The following CUX1 variants were observed in gnomAD, a reference collection of about 807,000 sequenced individuals.
The protein encoded by CUX1 is cut like homeobox 1, also known as protein CASP.
Under a neutral mutation model 158.8 loss-of-function variants are expected in CUX1, and 31 were observed. That is an observed-to-expected ratio of 0.20 (90% CI 0.15 to 0.26). The LOEUF is 0.26. Among genes scored for constraint, CUX1 ranks in the 10% least tolerant of loss-of-function variants. The pLI is 1.00. For synonymous variants in CUX1, 879 were observed against 862.1 expected (o/e 1.02, Z -0.34); for missense variants, 1,589 against 2,014.6 (o/e 0.79, Z 4.04).
At chr7:102,049,472 G>A (rs1823227773) in intron 3 of CUX1, among the ~76,000 whole-genome samples, 1 of 152,162 alleles carries the variant, frequency 6.6e-6, no homozygotes, top group Admixed American at 6.5e-5. Context: ...CCTGAAGAGT[G>A]TCTTATAATT....
Position 102,253,019 on chromosome 7 carries a change from T to C in CUX1, c.*3977T>C. ...GGACCCACCATCAAAACCTGCTACT[T>C]TGTGCAAGTAATTGAGGCAAAAGAT... On this transcript the variant is annotated 3_prime_UTR_variant, in exon 24 of 24. Transcript: ENST00000292535. 1 of 985,362 alleles carries C rather than the reference T, an allele frequency of 1.0e-6. No individual in the cohort carries two copies. Among genetic ancestry groups the C allele is most frequent in the South Asian group, 4.7e-5 (1 of 21,284 alleles). The allele number at this position is 985,362 out of a possible 1,614,324, so 61.0% of individuals were successfully genotyped here.
At chr7:102,068,346 G>A (rs1341970439) in intron 3 of CUX1, among the ~76,000 whole-genome samples, 1 of 151,920 alleles carries the variant, frequency 6.6e-6, no homozygotes, top group Non-Finnish European at 1.5e-5. Context: ...TGAACTCCCG[G>A]GCTCAAGCCA....
At chr7:101,828,400 A>T (rs1793627417) in intron 1 of CUX1, among the ~76,000 whole-genome samples, 3 of 152,306 alleles carry the variant, frequency 2.0e-5, no homozygotes, top group African/African-American at 7.2e-5. Context: ...ACACAAAAAG[A>T]TCCACATTTT....
At chr7:102,021,612 CT>C (rs762928709) in intron 2 of CUX1, among the ~76,000 whole-genome samples, 33,407 of 107,684 alleles carry the variant, frequency 0.31, 4,374 homozygotes, top group Middle Eastern at 0.38. Context: ...ACTTTTTTTT[CT>C]CTTTTTTTTT....
At chr7:102,172,610 G>C (rs545393996) in intron 10 of CUX1, among the ~76,000 whole-genome samples, 1 of 152,286 alleles carries the variant, frequency 6.6e-6, no homozygotes, top group Non-Finnish European at 1.5e-5. Context: ...TTTTCCCAAA[G>C]CACAGTCAAT....
chr7:101,984,382 G>A (rs898830468), intron 2 of CUX1, among the ~76,000 whole-genome samples: 11 of 150,758 alleles, frequency 7.3e-5, no homozygotes, highest in South Asian at 2.1e-4. Context: ...TAAGATTGTC[G>A]TGGGACAATG....
At chr7:102,122,647 A>G (rs1020133858) in intron 8 of CUX1, among the ~76,000 whole-genome samples, 1 of 152,210 alleles carries the variant, frequency 6.6e-6, no homozygotes, top group Non-Finnish European at 1.5e-5. Flanking sequence ...TTCCAAGTCC[A>G]GGTAGAAATT....
chr7:102,135,555 TTGTGTG>T (rs1159056399), intron 8 of CUX1, among the ~76,000 whole-genome samples: 1 of 140,854 alleles, frequency 7.1e-6, no homozygotes, highest in Non-Finnish European at 1.6e-5. Flanking sequence ...GAGGGTCAAC[TTGTGTG>T]TGTGTGTGTT....
chr7:102,022,633 A>G (rs866520436), intron 2 of CUX1, among the ~76,000 whole-genome samples: 1 of 151,288 alleles, frequency 6.6e-6, no homozygotes, highest in African/African-American at 2.4e-5. Flanking sequence ...AAAAAAGAAA[A>G]GAAAAAGAAA....
chr7:101,969,078 A>T (rs1299808011), intron 2 of CUX1, among the ~76,000 whole-genome samples: 1 of 151,924 alleles, frequency 6.6e-6, no homozygotes, highest in East Asian at 1.9e-4. Context: ...TTGTAACCCC[A>T]GCACTTTGGG....
chr7:102,054,101 C>T (rs1345496199), intron 3 of CUX1, among the ~76,000 whole-genome samples: 1 of 152,162 alleles, frequency 6.6e-6, no homozygotes. Flanking sequence ...AGCCACTGCA[C>T]CCAGCCTCTC....
chr7:102,269,572 A>ATTTTTTTTTTTTTTTTTTTTTTTTTT (rs71123030), intron 14 of CUX1, among the ~76,000 whole-genome samples: 2 of 107,804 alleles, frequency 1.9e-5, no homozygotes, highest in Non-Finnish European at 3.5e-5. Flanking sequence ...TGCCCGGCTA[A>ATTTTTTTTTTTTTTTTTTTTTTTTTT]TTTTTTTTTT....
intron 2 of CUX1, among the ~76,000 whole-genome samples, chr7:101,938,153 C>G (rs1807175882): frequency 6.6e-6 from 1 of 150,950 alleles, no homozygotes; most frequent in African/African-American, 2.4e-5. Flanking sequence ...CACTCTGTCA[C>G]TCAGGCTGGA....
In CUX1 at chr7:101,961,781, C is replaced by CA. The variant is rs1262153211; in HGVS notation, c.141+45557dup. 7 of 148,820 alleles carry CA rather than the reference C, an allele frequency of 4.7e-5. No homozygotes were observed. In the East Asian group the frequency reaches 9.9e-4, roughly 21 times the overall value. The allele number at this position is 148,820 out of a possible 1,614,324, so 9.2% of individuals were successfully genotyped here. On this transcript the variant is annotated intron_variant, in intron 2 of 23. Transcript: ENST00000292535. The stretch of plus-strand genomic sequence containing the variant: ...GTCCCAGCTATTCCAGAGGCTGAGG[C>CA]AGGAAGATGGCTTGAACCCAGGAGG...
Position 102,252,409 on chromosome 7 carries a change from A to G in CUX1, c.*3367A>G, listed in dbSNP as rs895587361. 5.1e-5 allele frequency: 50 copies of G among 985,320 alleles called. No homozygotes were observed. The highest frequency in any genetic ancestry group is 5.5e-5 in the Non-Finnish European group (46 of 829,954). The allele number at this position is 985,320 out of a possible 1,614,324, so 61.0% of individuals were successfully genotyped here. A position where few individuals can be genotyped will look rare whatever the true frequency, so the allele number is the denominator to read the frequency against. ...CCGACCCCCTTCCTCTTCACGCTCT[A>G]TGAGTTTAAAAAGCTGATTTGTACC... is the stretch of plus-strand genomic sequence containing the variant. On this transcript the variant is annotated 3_prime_UTR_variant, in exon 24 of 24. Coordinates refer to ENST00000292535, the MANE Select transcript of CUX1 (RefSeq NM_181552.4).
chr7:101,816,378 C>G (rs1413835123), upstream of CUX1, among the ~76,000 whole-genome samples: 1 of 143,992 alleles, frequency 6.9e-6, no homozygotes, highest in African/African-American at 2.5e-5. Flanking sequence ...GGTGTCTGCC[C>G]CCACCCCGGG....
At chr7:102,145,263 C>T (rs1554501690) in intron 8 of CUX1, among the ~76,000 whole-genome samples, 1 of 151,860 alleles carries the variant, frequency 6.6e-6, no homozygotes, top group Non-Finnish European at 1.5e-5. Context: ...AAAGATTCTC[C>T]ACCCCACTGC....
In CUX1 at chr7:101,977,769, C is replaced by CAA. The variant is rs112796270; in HGVS notation, c.142-50324_142-50323dup. Among the ~76,000 whole-genome samples the CAA allele has an allele frequency of 5.9e-5, 9 of 152,022 alleles. 1 individual carries two copies. The highest frequency in any genetic ancestry group is 2.2e-4 in the African/African-American group (9 of 41,492). On this transcript the variant is annotated intron_variant, in intron 2 of 23. Coordinates refer to ENST00000292535, the MANE Select transcript of CUX1 (RefSeq NM_181552.4). ...CTGGGTGACAGAGTGAGACTCTGCTCAAAAAATAATAATAATAAATAAATA... is the reference window on the plus strand; with the variant it reads ...CTGGGTGACAGAGTGAGACTCTGCTCAAAAAAAATAATAATAATAAATAAATA...
chr7:101,947,300 A>T (rs1382139701), intron 2 of CUX1, among the ~76,000 whole-genome samples: 1 of 152,172 alleles, frequency 6.6e-6, no homozygotes, highest in Non-Finnish European at 1.5e-5. Context: ...AGGCTGAGGC[A>T]GGAGGATTGC....
Sources: gnomAD v4.1 joint callset for allele counts (sites outside exome capture counted in the v4.1 genomes callset) on GRCh38, gnomAD v4.1.1 for gene constraint, MANE v1.5 for transcripts, NCBI Gene and HGNC (gene_info 2026-07-23, HGNC 2026-07-21) for gene names.